The following VPS13B variants were observed in gnomAD, a reference collection of about 807,000 sequenced individuals.
VPS13B encodes the protein intermembrane lipid transfer protein VPS13B.
VPS13B carries 285 observed loss-of-function variants against 426.4 expected under a neutral mutation model. That is an observed-to-expected ratio of 0.67 (90% CI 0.61 to 0.74). VPS13B has a LOEUF of 0.74. VPS13B is among the 30% of genes least tolerant of loss of function. VPS13B has a pLI of 0.00. For synonymous variants in VPS13B, 1,676 were observed against 1,676.4 expected (o/e 1.00, Z 0.01); for missense variants, 4,537 against 4,782.6 (o/e 0.95, Z 1.51).
intron 17 of VPS13B, among the ~76,000 whole-genome samples, chr8:99,220,587 A>G (rs1815654096): frequency 6.6e-6 from 1 of 152,162 alleles, no homozygotes; most frequent in Non-Finnish European, 1.5e-5. Context: ...AGGTAATAAA[A>G]TTAGAAACAA....
intron 3 of VPS13B, among the ~76,000 whole-genome samples, chr8:99,079,305 T>A (rs1334250975): frequency 6.6e-6 from 1 of 152,006 alleles, no homozygotes; most frequent in East Asian, 1.9e-4. Context: ...TGTCTGATTA[T>A]CAATGACAGC....
intron 59 of VPS13B, among the ~76,000 whole-genome samples, chr8:99,868,966 T>C (rs1817250697): frequency 6.6e-6 from 1 of 152,176 alleles, no homozygotes; most frequent in Non-Finnish European, 1.5e-5. Flanking sequence ...CCAGAAGCCC[T>C]TTCACAAGGC....
At chr8:99,470,019 A>G (rs1009255337) in intron 24 of VPS13B, among the ~76,000 whole-genome samples, 1 of 152,196 alleles carries the variant, frequency 6.6e-6, no homozygotes, top group African/African-American at 2.4e-5. Context: ...CAGAGGTTGC[A>G]TGGCCCTACT....
At chr8:99,416,861 T>C (rs1420720924) in intron 21 of VPS13B, among the ~76,000 whole-genome samples, 3 of 152,188 alleles carry the variant, frequency 2.0e-5, no homozygotes, top group Non-Finnish European at 4.4e-5. Flanking sequence ...CTGTTCCTAT[T>C]CGGCCATCTT....
Position 99,720,393 on chromosome 8 carries a change from T to C in VPS13B, c.6706T>C (p.Leu2236=), listed in dbSNP as rs761965139. 6.2e-7 allele frequency: 1 copy of C among 1,613,886 alleles called. No individual in the cohort carries two copies. The highest frequency in any genetic ancestry group is 8.5e-7 in the Non-Finnish European group (1 of 1,179,908). ...HLNCLVLLHE[L]LNGYLNEEGN... Reference sequence around the variant, plus strand: ...GAATTGTTTAGTTCTTCTACATGAATTACTCAATGGATACCTTAATGAGGA... The same window carrying C: ...GAATTGTTTAGTTCTTCTACATGAACTACTCAATGGATACCTTAATGAGGA... Residue 2236 remains leucine, a synonymous_variant, in exon 38 of 62, where the codon TTA becomes CTA. Coordinates refer to ENST00000357162, the MANE Select transcript of VPS13B (RefSeq NM_152564.5).
At chr8:99,830,540 TG>T (rs1223523730) in intron 51 of VPS13B, among the ~76,000 whole-genome samples, 1 of 152,134 alleles carries the variant, frequency 6.6e-6, no homozygotes, top group African/African-American at 2.4e-5. Context: ...CTGGGCTCCC[TG>T]GGGGTGGGAT....
At chr8:99,024,559 T>A (rs902077580) in intron 2 of VPS13B, among the ~76,000 whole-genome samples, 1 of 152,240 alleles carries the variant, frequency 6.6e-6, no homozygotes, top group African/African-American at 2.4e-5. Flanking sequence ...GGAGAGACTG[T>A]CCTTTCCCTA....
chr8:99,606,059 C>T (rs924375374), intron 33 of VPS13B, among the ~76,000 whole-genome samples: 5 of 152,012 alleles, frequency 3.3e-5, no homozygotes, highest in African/African-American at 9.7e-5. Context: ...CCAAACCTGG[C>T]TAATTTTTGT....
At chr8:99,198,209 T>G (rs1018475281) in intron 17 of VPS13B, among the ~76,000 whole-genome samples, 1 of 152,180 alleles carries the variant, frequency 6.6e-6, no homozygotes, top group African/African-American at 2.4e-5. Context: ...AACTCTACAG[T>G]AACATCTTCC....
At position 99,170,087 on chromosome 8, in the gene VPS13B, T is replaced by G. The variant is rs1812239767; in HGVS notation, c.2257T>G (p.Tyr753Asp). ...GACGTCTTTGGATTGCAGTGGATCTTACTGCTTACCTGTACCAGTTATTCC... is the reference window on the plus strand; with the variant it reads ...GACGTCTTTGGATTGCAGTGGATCTGACTGCTTACCTGTACCAGTTATTCC... ...GLTSLDCSGS[Y>D]CLPVPVIPSF... Residue 753 changes from tyrosine (Y) to aspartate (D), a missense_variant, in exon 16 of 62, where the codon TAC (tyrosine) becomes GAC (aspartate). Physicochemically the swap from Tyr to Asp is radical, Grantham distance 160. This residue lies in a region of VPS13B where 4,311 missense variants were observed against 4,474.3 expected (regional missense o/e 0.96). Coordinates refer to ENST00000357162, the MANE Select transcript of VPS13B (RefSeq NM_152564.5). 6.2e-7 allele frequency: 1 copy of G among 1,612,868 alleles called. No individual in the cohort carries two copies. The highest frequency in any genetic ancestry group is 1.1e-5 in the South Asian group (1 of 91,078).
intron 8 of VPS13B, among the ~76,000 whole-genome samples, chr8:99,122,847 T>C (rs1048762609): frequency 6.6e-6 from 1 of 152,034 alleles, no homozygotes; most frequent in African/African-American, 2.4e-5. Flanking sequence ...ACGTGGTGGC[T>C]CACGCCTGTA....
intron 18 of VPS13B, 42 bp from the exon 19 acceptor site, chr8:99,275,039 A>C: frequency 6.7e-7 from 1 of 1,500,870 alleles, no homozygotes; most frequent in Non-Finnish European, 9.0e-7. Flanking sequence ...CAAGTGACTC[A>C]TGTTTTATTT....
chr8:99,285,672 T>C (rs1044765904), intron 19 of VPS13B, among the ~76,000 whole-genome samples: 1 of 152,180 alleles, frequency 6.6e-6, no homozygotes, highest in African/African-American at 2.4e-5. Context: ...CCAATGACAT[T>C]AGCCTTGTGA....
chr8:99,137,315 A>C (rs913396658), intron 12 of VPS13B, among the ~76,000 whole-genome samples: 1 of 151,866 alleles, frequency 6.6e-6, no homozygotes, highest in South Asian at 2.1e-4. Flanking sequence ...TATGTTGAAA[A>C]GTTAGCGAAA....
At chr8:99,231,388 T>G (rs1212607190) in intron 17 of VPS13B, among the ~76,000 whole-genome samples, 1 of 152,216 alleles carries the variant, frequency 6.6e-6, no homozygotes, top group Non-Finnish European at 1.5e-5. Context: ...AACGGCTTGC[T>G]CACATAAACC....
chr8:99,172,139 C>G (rs1430531877), intron 16 of VPS13B, among the ~76,000 whole-genome samples: 1 of 152,116 alleles, frequency 6.6e-6, no homozygotes, highest in Non-Finnish European at 1.5e-5. Flanking sequence ...ATCAAATATT[C>G]ATTAGTCCCA....
chr8:99,441,908 A>G (rs939079616), intron 22 of VPS13B, among the ~76,000 whole-genome samples: 2 of 152,266 alleles, frequency 1.3e-5, no homozygotes, highest in Non-Finnish European at 2.9e-5. Context: ...TGATATAAAC[A>G]TGTTCTTTAA....
intron 17 of VPS13B, among the ~76,000 whole-genome samples, chr8:99,211,306 C>A (rs1815076897): frequency 6.6e-6 from 1 of 152,170 alleles, no homozygotes; most frequent in Non-Finnish European, 1.5e-5. Context: ...CTCACACACA[C>A]CTCTGGCTGA....
intron 12 of VPS13B, among the ~76,000 whole-genome samples, chr8:99,142,250 C>G (rs6985183): frequency 6.6e-6 from 1 of 152,006 alleles, no homozygotes. Flanking sequence ...CTGGAAAATT[C>G]TTTCTTCTTT....
Sources: allele counts gnomAD v4.1 joint callset (sites outside exome capture counted in the v4.1 genomes callset), GRCh38; gene constraint gnomAD v4.1.1; regional missense constraint gnomAD v4.1.1; transcripts MANE v1.5; gene names NCBI Gene and HGNC (gene_info 2026-07-23, HGNC 2026-07-21).